The following ZNF84 variants were observed in gnomAD, a reference collection of about 807,000 sequenced individuals.
The protein encoded by ZNF84 is zinc finger protein 84, also known as zinc finger protein HPF2.
A neutral mutation model predicts 14.8 loss-of-function variants in ZNF84; 12 were observed. The ratio of observed to expected loss-of-function variants is 0.81; its 90% confidence interval spans 0.52 to 1.31. The LOEUF (loss-of-function observed/expected upper bound fraction) is 1.31. Among genes scored for constraint, ZNF84 ranks in the 50% most tolerant of loss-of-function variants. ZNF84 has a pLI of 0.00. For synonymous variants in ZNF84, 347 were observed against 291.1 expected, an observed-to-expected ratio of 1.19 and a Z score of -1.96; for missense variants, 859 against 878.6, an observed-to-expected ratio of 0.98 and a Z score of 0.28.
intron 4 of ZNF84, among the ~76,000 whole-genome samples, chr12:133,052,779 C>T (rs1954094190): frequency 6.6e-6 from 1 of 152,146 alleles, no homozygotes; most frequent in Non-Finnish European, 1.5e-5. Context: ...TTTGAGGAGA[C>T]ACATTTAGTC....
At chr12:133,050,220 T>A (rs1459773886) in intron 4 of ZNF84, among the ~76,000 whole-genome samples, 1 of 152,184 alleles carries the variant, frequency 6.6e-6, no homozygotes, top group Non-Finnish European at 1.5e-5. Context: ...CTGCTGTGGG[T>A]AGTGGATGCT....
At chr12:133,038,282 A>G (rs756343130) in intron 1 of ZNF84, among the ~76,000 whole-genome samples, 460 of 30,064 alleles carry the variant, frequency 0.015, 1 homozygote, top group Non-Finnish European at 0.028. Flanking sequence ...ACTCTTGCAT[A>G]TTTAGACAGT....
chr12:133,041,609 G>C (rs1953890913), intron 2 of ZNF84, 127 bp downstream of exon 2: 3 of 973,246 alleles, frequency 3.1e-6, no homozygotes, highest in Non-Finnish European at 3.2e-6. Context: ...GATCAGGATT[G>C]GAACAAAATT....
In ZNF84 at chr12:133,048,743, C is replaced by T; in HGVS notation, c.143-10C>T. The T allele has an allele frequency of 6.2e-7, 1 of 1,612,086 alleles. No individual in the cohort carries two copies. The highest frequency in any genetic ancestry group is 1.1e-5 in the South Asian group (1 of 90,920). The stretch of plus-strand genomic sequence containing the variant: ...TGGGCCCAAGGCCTTTGTGATTTTT[C>T]CCTTAACAGGGTATGAAGTTATGAA... On this transcript the variant is annotated splice_polypyrimidine_tract_variant and intron_variant, in intron 3 of 4. Transcript: ENST00000539354.
chr12:133,057,278 G>C lies in ZNF84; in HGVS notation c.563G>C (p.Ser188Thr). 6.2e-7 allele frequency: 1 copy of C among 1,613,690 alleles called. No individual in the cohort carries two copies. Among genetic ancestry groups the C allele is most frequent in the Non-Finnish European group, 8.5e-7 (1 of 1,179,904 alleles). The change falls in exon 5 of 5, where the codon AGC becomes ACC. Residue 188 changes from serine to threonine, a missense_variant. By Grantham distance (58) the Ser-to-Thr change is moderately conservative. Transcript: ENST00000539354. ...KYYDCDKYKESYKKSQIIIYH... is the reference protein window; with the variant it reads ...KYYDCDKYKETYKKSQIIIYH... ...TATGACTGTGATAAATATAAAGAGA[G>C]CTATAAAAAGTCACAGATTATCATA...
At position 133,058,223 on chromosome 12, in the gene ZNF84, C is replaced by A. The variant is rs1408334091; in HGVS notation, c.1508C>A (p.Thr503Asn). ...GKAFSEKLSL[T>N]NHQRIHTGEK... Reference sequence around the variant, plus strand: ...GCTTTCAGTGAAAAATTAAGTCTCACTAATCATCAAAGAATTCATACAGGA... The same window carrying A: ...GCTTTCAGTGAAAAATTAAGTCTCAATAATCATCAAAGAATTCATACAGGA... The change falls in exon 5 of 5, where the codon ACT becomes AAT. Residue 503 changes from threonine to asparagine, a missense_variant. Thr to Asn is a moderately conservative substitution (Grantham distance 65). Coordinates refer to ENST00000539354, the MANE Select transcript of ZNF84 (RefSeq NM_001289971.2). 6 of 1,612,474 alleles carry A rather than the reference C, an allele frequency of 3.7e-6. No individual in the cohort carries two copies. The African/African-American group carries it at 8.1e-5, about 22-fold the overall frequency.
intron 4 of ZNF84, among the ~76,000 whole-genome samples, chr12:133,056,297 A>G (rs1415454105): frequency 6.6e-6 from 1 of 151,912 alleles, no homozygotes; most frequent in Non-Finnish European, 1.5e-5. Context: ...TCTGTTACCC[A>G]GGCTGGAGTG....
rs1954255658 is a variant in ZNF84, at chr12:133,061,089, C to G, written c.*2157C>G. On this transcript the variant is annotated 3_prime_UTR_variant, in exon 5 of 5. Transcript: ENST00000539354. ...TGAATAATTTTCTAAACCAGAATAC[C>G]AGTTCAACAGCCAAATAATTCTGTC... is the stretch of plus-strand genomic sequence containing the variant. 1 of 152,046 alleles carries G rather than the reference C, an allele frequency of 6.6e-6. No individual in the cohort carries two copies. Among genetic ancestry groups the G allele is most frequent in the Admixed American group, 6.6e-5 (1 of 15,266 alleles). 9.4% of individuals were successfully genotyped at this position (152,046 alleles called of 1,614,324 possible).
chr12:133,058,440 C>T lies in ZNF84; in HGVS notation c.1725C>T (p.Asp575=). ...HTGEKPYECR[D]CEKAFSQKSQ... The stretch of plus-strand genomic sequence containing the variant: ...GAGAAAAACCGTATGAATGCAGGGA[C>T]TGTGAAAAAGCTTTCTCCCAGAAAT... Residue 575 remains aspartate (D), a synonymous_variant, in exon 5 of 5, where the codon GAC becomes GAT. Transcript: ENST00000539354. The T allele has an allele frequency of 6.2e-6, 10 of 1,613,658 alleles. No homozygotes were observed. Among genetic ancestry groups the T allele is most frequent in the Non-Finnish European group, 7.6e-6 (9 of 1,179,920 alleles).
intron 1 of ZNF84, chr12:133,040,607 G>C (rs1953870814): frequency 6.7e-6 from 1 of 148,912 alleles, no homozygotes; most frequent in Non-Finnish European, 1.5e-5. Context: ...TGATGTTGCA[G>C]ACTTCATCTA....
In ZNF84 at chr12:133,058,393, A is replaced by G. The variant is rs2137424871; in HGVS notation, c.1678A>G (p.Thr560Ala). 1.2e-6 allele frequency: 2 copies of G among 1,614,052 alleles called. No individual in the cohort carries two copies. Among genetic ancestry groups the G allele is most frequent in the Non-Finnish European group, 8.5e-7 (1 of 1,180,006 alleles). The change falls in exon 5 of 5, where the codon ACT (threonine) becomes GCT (alanine). Residue 560 changes from threonine (T) to alanine (A), a missense_variant. Physicochemically the swap from Thr to Ala is moderately conservative, Grantham distance 58. Coordinates refer to ENST00000539354, the MANE Select transcript of ZNF84 (RefSeq NM_001289971.2). ...CTTTGGTGAGAAGTCAAGTCTTGCA[A>G]CTCATCAGAGAACTCATACTGGAGA... Reference protein sequence around the residue: ...KAFGEKSSLATHQRTHTGEKP... With the variant: ...KAFGEKSSLAAHQRTHTGEKP...
At chr12:133,042,733 G>GC (rs1327047209) in intron 2 of ZNF84, among the ~76,000 whole-genome samples, 2 of 152,198 alleles carry the variant, frequency 1.3e-5, no homozygotes, top group Non-Finnish European at 2.9e-5. Context: ...GAATGCCAGA[G>GC]CAGGACTTCA....
Position 133,048,808 on chromosome 12 carries a change from G to A in ZNF84, c.198G>A (p.Pro66=), listed in dbSNP as rs201649398. The A allele has an allele frequency of 2.8e-4, 448 of 1,613,712 alleles. 2 individuals are homozygous for A. In the African/African-American group the frequency reaches 3.4e-3, roughly 12 times the overall value. ...VIFKLEQGEE[P]WVGDGEIPSS... ...TCAAATTGGAGCAAGGAGAAGAGCCGTGGGTAGGAGATGGAGAAATTCCAA... is the reference window on the plus strand; with the variant it reads ...TCAAATTGGAGCAAGGAGAAGAGCCATGGGTAGGAGATGGAGAAATTCCAA... Residue 66 remains proline, a synonymous_variant, in exon 4 of 5, where the codon CCG becomes CCA. Coordinates refer to ENST00000539354, the MANE Select transcript of ZNF84 (RefSeq NM_001289971.2).
chr12:133,039,852 A>ATT (rs55688719), intron 1 of ZNF84, among the ~76,000 whole-genome samples: 43 of 142,398 alleles, frequency 3.0e-4, no homozygotes, highest in East Asian at 1.0e-3. Context: ...GTTGGTTTGG[A>ATT]TTTTTTTTTT....
In ZNF84 at chr12:133,058,012, T is replaced by C; in HGVS notation, c.1297T>C (p.Cys433Arg). 6.2e-7 allele frequency: 1 copy of C among 1,614,004 alleles called. No homozygotes were observed. Among genetic ancestry groups the C allele is most frequent in the Non-Finnish European group, 8.5e-7 (1 of 1,180,000 alleles). ...ACATACAGGAGAGAAACCTCATGGA[T>C]GCATTCAGTGTGGGAAGGCCTTCTC... is the stretch of plus-strand genomic sequence containing the variant. ...RTHTGEKPHG[C>R]IQCGKAFSQK... Residue 433 changes from cysteine to arginine, a missense_variant, in exon 5 of 5, where the codon TGC becomes CGC. Coordinates refer to ENST00000539354, the MANE Select transcript of ZNF84 (RefSeq NM_001289971.2).
Position 133,061,623 on chromosome 12 carries a change from A to G in ZNF84, c.*2691A>G, listed in dbSNP as rs1248878793. The stretch of plus-strand genomic sequence containing the variant: ...TCCATCTATCACCATTCTCTTTCCA[A>G]TCCCAGAGATTGATTTATTAGGTCT... On this transcript the variant is annotated 3_prime_UTR_variant, in exon 5 of 5. Coordinates refer to ENST00000539354, the MANE Select transcript of ZNF84 (RefSeq NM_001289971.2). 1.3e-5 allele frequency: 2 copies of G among 152,046 alleles called. No individual in the cohort carries two copies. The allele number at this position is 152,046 out of a possible 1,614,324, so 9.4% of individuals were successfully genotyped here.
At position 133,059,066 on chromosome 12, in the gene ZNF84, T is replaced by C; in HGVS notation, c.*134T>C. On this transcript the variant is annotated 3_prime_UTR_variant, in exon 5 of 5. Coordinates refer to ENST00000539354, the MANE Select transcript of ZNF84 (RefSeq NM_001289971.2). Reference sequence around the variant, plus strand: ...GATGAGAACTCTAAATGAGGTGGTGTATGGAAAGCCGATCATAATTCATAG... The same window carrying C: ...GATGAGAACTCTAAATGAGGTGGTGCATGGAAAGCCGATCATAATTCATAG... The C allele has an allele frequency of 1.1e-6, 1 of 885,086 alleles. No individual in the cohort carries two copies. The highest frequency in any genetic ancestry group is 1.7e-6 in the Non-Finnish European group (1 of 586,062). The allele number at this position is 885,086 out of a possible 1,614,324, so 54.8% of individuals were successfully genotyped here.
chr12:133,049,223 T>C (rs1413415456), intron 4 of ZNF84, among the ~76,000 whole-genome samples: 3 of 152,164 alleles, frequency 2.0e-5, no homozygotes, highest in Non-Finnish European at 4.4e-5. Context: ...TTCTGTCCTC[T>C]CACATGTTTG....
intron 4 of ZNF84, among the ~76,000 whole-genome samples, chr12:133,054,373 C>A (rs1381027366): frequency 6.6e-6 from 1 of 152,076 alleles, no homozygotes; most frequent in Non-Finnish European, 1.5e-5. Context: ...CAGAGCAAGA[C>A]CCTGTCTCAA....
Sources: gnomAD v4.1 joint callset for allele counts (sites outside exome capture counted in the v4.1 genomes callset) on GRCh38, gnomAD v4.1.1 for gene constraint, MANE v1.5 for transcripts, NCBI Gene and HGNC (gene_info 2026-07-23, HGNC 2026-07-21) for gene names.